MIOS: variants seen among roughly 807,000 people sequenced by gnomAD.
MIOS encodes the protein GATOR2 complex protein MIOS.
MIOS carries 52 observed loss-of-function variants against 96.9 expected under a neutral mutation model. The ratio of observed to expected loss-of-function variants is 0.54; its 90% confidence interval spans 0.43 to 0.68. MIOS has a LOEUF of 0.68. Ranked by LOEUF, MIOS falls within the 30% of genes least tolerant of loss-of-function variation. The pLI, the probability that MIOS is intolerant of heterozygous loss-of-function variation, is 0.00. For missense variants in MIOS, 1,005 were observed against 1,052.8 expected, an observed-to-expected ratio of 0.95 and a Z score of 0.63; for synonymous variants, 397 against 359.5, an observed-to-expected ratio of 1.10 and a Z score of -1.18.
At chr7:7,584,312 T>C (rs1479201354) in intron 6 of MIOS, among the ~76,000 whole-genome samples, 1 of 152,136 alleles carries the variant, frequency 6.6e-6, no homozygotes, top group Non-Finnish European at 1.5e-5. Flanking sequence ...AAAGAATTGA[T>C]ATTTAAAGCC....
chr7:7,572,428 AT>A lies in MIOS; in HGVS notation c.-40-4del. 1 of 1,398,682 alleles carries A rather than the reference AT, an allele frequency of 7.1e-7. No homozygotes were observed. Among genetic ancestry groups the A allele is most frequent in the South Asian group, 1.4e-5 (1 of 69,858 alleles). 86.6% of individuals were successfully genotyped at this position (1,398,682 alleles called of 1,614,324 possible). A position where few individuals can be genotyped will look rare whatever the true frequency, so the allele number is the denominator to read the frequency against. On this transcript the variant is annotated splice_polypyrimidine_tract_variant and splice_region_variant and intron_variant, in intron 3 of 12. Coordinates refer to ENST00000340080, the MANE Select transcript of MIOS (RefSeq NM_019005.4). This position sits in a 1 kb window ranked among gnomAD's most constrained non-coding sequence, Gnocchi z 4.8. The stretch of plus-strand genomic sequence containing the variant: ...ATTTTAAAACTTTTTATTTTTAAAC[AT>A]TTTCAGTGAATGGACCTGAGTGGAC...
chr7:7,595,194 ACTATT>A, intron 10 of MIOS, 62 bp downstream of exon 10: 1 of 1,530,728 alleles, frequency 6.5e-7, no homozygotes, highest in African/African-American at 1.4e-5. Context: ...TTAATAAGTT[ACTATT>A]AGCTCATTAT....
intron 11 of MIOS, chr7:7,605,421 A>C (rs1784500840): frequency 6.6e-6 from 1 of 152,172 alleles, no homozygotes; most frequent in African/African-American, 2.4e-5. Flanking sequence ...CAGCCTCCCA[A>C]GTAGGTGGGA....
At chr7:7,595,265 C>T in intron 10 of MIOS, 133 bp downstream of exon 10, 4 of 922,118 alleles carry the variant, frequency 4.3e-6, no homozygotes, top group Non-Finnish European at 6.3e-6. Flanking sequence ...TGAACTTTGT[C>T]CTTGATCTTC....
intron 7 of MIOS, among the ~76,000 whole-genome samples, 188 bp downstream of exon 7, chr7:7,585,993 G>C (rs1488093237): frequency 2.6e-5 from 4 of 151,832 alleles, no homozygotes; most frequent in Non-Finnish European, 5.9e-5. Context: ...CCTAGAGTTA[G>C]TTAACTGATA....
At chr7:7,591,853 A>G (rs1323426719) in intron 9 of MIOS, among the ~76,000 whole-genome samples, 1 of 152,028 alleles carries the variant, frequency 6.6e-6, no homozygotes, top group Non-Finnish European at 1.5e-5. Flanking sequence ...TTTCTGCCTC[A>G]ATCTTATTCG....
chr7:7,590,191 A>G (rs898823718), intron 9 of MIOS, among the ~76,000 whole-genome samples: 6 of 152,166 alleles, frequency 3.9e-5, no homozygotes, highest in South Asian at 2.1e-4. Context: ...CCTCATCCTC[A>G]TATCACAATA....
intron 9 of MIOS, 102 bp from the exon 10 acceptor site, chr7:7,594,876 AAG>A (rs1784158647): frequency 1.2e-6 from 1 of 810,626 alleles, no homozygotes; most frequent in South Asian, 3.3e-5. Context: ...AAAAAAAAAA[AAG>A]GCCTATTTCT....
Position 7,605,964 on chromosome 7 carries a change from A to G in MIOS, c.2424A>G (p.Lys808=), listed in dbSNP as rs368024322. ...TAGGAGGAACCAAATCAGATGAAAA[A>G]GTGGACTTGAGCAAGGACAAAAAAT... ...SCPGGTKSDE[K]VDLSKDKKLA... The change falls in exon 12 of 13, where the codon AAA becomes AAG. Residue 808 remains lysine (K), a synonymous_variant. Transcript: ENST00000340080. 4.3e-6 allele frequency: 7 copies of G among 1,613,662 alleles called. No individual in the cohort carries two copies. Among genetic ancestry groups the G allele is most frequent in the Non-Finnish European group, 5.9e-6 (7 of 1,179,770 alleles).
At chr7:7,587,484 A>G (rs911286928) in intron 7 of MIOS, among the ~76,000 whole-genome samples, 1 of 152,202 alleles carries the variant, frequency 6.6e-6, no homozygotes, top group Non-Finnish European at 1.5e-5. Flanking sequence ...TAGTAATGTG[A>G]AAAGTACTGA....
At chr7:7,576,679 A>G (rs893939887) in intron 5 of MIOS, among the ~76,000 whole-genome samples, 5 of 152,190 alleles carry the variant, frequency 3.3e-5, no homozygotes, top group African/African-American at 1.2e-4. Context: ...ATCTTGTAAG[A>G]CGGGGAAACA....
Position 7,583,112 on chromosome 7 carries a change from T to C in MIOS, c.1394-6T>C. ...AAAACAATATAAAAATGTTTTCTGT[T>C]TTTAGGAATGGTGGAAAGCAGCAGA... On this transcript the variant is annotated splice_polypyrimidine_tract_variant and splice_region_variant and intron_variant, in intron 5 of 12. Coordinates refer to ENST00000340080, the MANE Select transcript of MIOS (RefSeq NM_019005.4). 1 of 1,598,714 alleles carries C rather than the reference T, an allele frequency of 6.3e-7. No homozygotes were observed. The highest frequency in any genetic ancestry group is 8.5e-7 in the Non-Finnish European group (1 of 1,172,964).
rs1190123203 is a variant in MIOS at position 7,595,488 on chromosome 7, T to G, written c.2196+356T>G. On this transcript the variant is annotated intron_variant, in intron 10 of 12. Coordinates refer to ENST00000340080, the MANE Select transcript of MIOS (RefSeq NM_019005.4). ...AGGCAGGATTTGGGTTTTTTAGACTTTAGCAGTATTACCTATATCTATATG... is the reference window on the plus strand; with the variant it reads ...AGGCAGGATTTGGGTTTTTTAGACTGTAGCAGTATTACCTATATCTATATG... Among the ~76,000 whole-genome samples the G allele has an allele frequency of 7.9e-5, 12 of 152,358 alleles. No homozygotes were observed. In the East Asian group the frequency reaches 1.9e-3, roughly 24 times the overall value.
At chr7:7,591,894 T>C (rs1465193429) in intron 9 of MIOS, among the ~76,000 whole-genome samples, 1 of 152,192 alleles carries the variant, frequency 6.6e-6, no homozygotes, top group African/African-American at 2.4e-5. Flanking sequence ...ATTACATATG[T>C]ATTAAACCAC....
rs765637999 is a variant in MIOS, at chr7:7,583,345, C to G, written c.1621C>G (p.Leu541Val). ...NLDIRRAIQILNEGASSEKGD... is the reference protein window; with the variant it reads ...NLDIRRAIQIVNEGASSEKGD... ...GGATATTCGCCGAGCAATCCAAATCCTGAATGAAGGGGCATCTTCTGAAAA... is the reference window on the plus strand; with the variant it reads ...GGATATTCGCCGAGCAATCCAAATCGTGAATGAAGGGGCATCTTCTGAAAA... Residue 541 changes from leucine (L) to valine (V), a missense_variant, in exon 6 of 13, where the codon CTG becomes GTG. By Grantham distance (32) the Leu-to-Val change is conservative. Transcript: ENST00000340080. 5 of 1,610,662 alleles carry G rather than the reference C, an allele frequency of 3.1e-6. No individual in the cohort carries two copies.
intron 3 of MIOS, among the ~76,000 whole-genome samples, chr7:7,571,401 T>C (rs1272374193): frequency 6.6e-6 from 1 of 152,210 alleles, no homozygotes; most frequent in Admixed American, 6.5e-5. Flanking sequence ...ATCCACTTTC[T>C]CAGAGTGTGG....
At chr7:7,581,007 ATTT>A (rs1783704831) in intron 5 of MIOS, among the ~76,000 whole-genome samples, 2 of 150,020 alleles carry the variant, frequency 1.3e-5, no homozygotes, top group Non-Finnish European at 1.5e-5. Flanking sequence ...CTTAAAAATC[ATTT>A]AGTCTGAATA....
intron 5 of MIOS, among the ~76,000 whole-genome samples, chr7:7,579,843 T>A (rs1202292553): frequency 6.6e-6 from 1 of 152,212 alleles, no homozygotes; most frequent in Admixed American, 6.5e-5. Context: ...GTAAGTACAC[T>A]GTGATGTTCA....
chr7:7,602,519 G>A (rs2115498621), intron 11 of MIOS, among the ~76,000 whole-genome samples: 1 of 152,222 alleles, frequency 6.6e-6, no homozygotes, highest in Non-Finnish European at 1.5e-5. Context: ...ACTTACAAGG[G>A]ATGTGAAGGA....
Sources: allele counts gnomAD v4.1 joint callset (sites outside exome capture counted in the v4.1 genomes callset), GRCh38; gene constraint gnomAD v4.1.1; non-coding constraint Gnocchi (gnomAD v3.1); transcripts MANE v1.5; gene names NCBI Gene and HGNC (gene_info 2026-07-23, HGNC 2026-07-21).